CFAP54: variants seen among roughly 807,000 people sequenced by gnomAD.
The protein encoded by CFAP54 is cilia- and flagella-associated protein 54.
CFAP54 carries 290 observed loss-of-function variants against 370.4 expected under a neutral mutation model. The ratio of observed to expected loss-of-function variants is 0.78; its 90% CI spans 0.71 to 0.86. The LOEUF (loss-of-function observed/expected upper bound fraction) is 0.86. Ranked by LOEUF, CFAP54 falls within the 40% of genes least tolerant of loss-of-function variation. The probability of loss-of-function intolerance (pLI) is 0.00; values close to 1 mark genes in which losing one functional copy is unlikely to be tolerated. For synonymous variants in CFAP54, 1,206 were observed against 1,236.5 expected, an observed-to-expected ratio of 0.98 and a Z score of 0.52; for missense variants, 3,399 against 3,528.7, an observed-to-expected ratio of 0.96 and a Z score of 0.93.
intron 63 of CFAP54, among the ~76,000 whole-genome samples, chr12:96,803,669 G>A (rs554668946): frequency 1.3e-5 from 2 of 152,014 alleles, no homozygotes; most frequent in African/African-American, 4.8e-5. Flanking sequence ...TTGAACTATC[G>A]CAGTCACCCA....
chr12:96,518,945 G>A lies in CFAP54; in HGVS notation c.816G>A (p.Leu272=). Residue 272 remains leucine, a synonymous_variant, in exon 6 of 68, where the codon CTG becomes CTA. Transcript: ENST00000524981. The part of the protein sequence containing the change: ...GQSSKALEYL[L]WASMCMESLV... ...TTTTGCAGGCCTTAGAGTATCTCCT[G>A]TGGGCCAGCATGTGTATGGAGTCCT... 1.3e-6 allele frequency: 2 copies of A among 1,535,478 alleles called. No individual in the cohort carries two copies. The highest frequency in any genetic ancestry group is 1.7e-6 in the Non-Finnish European group (2 of 1,146,514).
At chr12:96,724,994 G>A (rs1957811831) in intron 50 of CFAP54, among the ~76,000 whole-genome samples, 1 of 152,072 alleles carries the variant, frequency 6.6e-6, no homozygotes, top group African/African-American at 2.4e-5. Context: ...TTAGATATGT[G>A]GCGTTATTTC....
At chr12:96,799,287 T>C (rs902541926) in intron 63 of CFAP54, among the ~76,000 whole-genome samples, 8 of 152,244 alleles carry the variant, frequency 5.3e-5, no homozygotes, top group African/African-American at 1.7e-4. Flanking sequence ...ATTCCTTTGA[T>C]TGCTGCTTTG....
intron 5 of CFAP54, among the ~76,000 whole-genome samples, chr12:96,514,351 T>C (rs150944684): frequency 6.6e-6 from 1 of 152,308 alleles, no homozygotes; most frequent in Non-Finnish European, 1.5e-5. Context: ...CTCTCTCTGT[T>C]TTGCTTCTCA....
intron 39 of CFAP54, among the ~76,000 whole-genome samples, chr12:96,670,500 A>G (rs1345576489): frequency 6.6e-6 from 1 of 152,224 alleles, no homozygotes; most frequent in Non-Finnish European, 1.5e-5. Flanking sequence ...CATTGACCAC[A>G]GTCACATGGC....
Position 96,784,848 on chromosome 12 carries a change from T to C in CFAP54, c.8413T>C (p.Tyr2805His). The change falls in exon 61 of 68, where the codon TAT becomes CAT. Residue 2805 changes from tyrosine to histidine, a missense_variant. Around this residue, in one of 3 missense-constraint regions of CFAP54, gnomAD observed 2,796 missense variants for 2,869.7 expected, o/e 0.97. Transcript: ENST00000524981. Reference protein sequence around the residue: ...DITWILLLRYYIHLQRINNLS... With the variant: ...DITWILLLRYHIHLQRINNLS... ...TACATGGATCCTTCTACTGCGCTAC[T>C]ATATTCACCTTCAGAGGATTAATAA... 6.5e-7 allele frequency: 1 copy of C among 1,531,642 alleles called. No homozygotes were observed. The highest frequency in any genetic ancestry group is 8.7e-7 in the Non-Finnish European group (1 of 1,144,652). 94.9% of individuals were successfully genotyped at this position (1,531,642 alleles called of 1,614,324 possible).
At chr12:96,720,380 G>C (rs373818344) in intron 49 of CFAP54, 25 bp from the exon 50 acceptor site, 7 of 1,386,774 alleles carry the variant, frequency 5.0e-6, no homozygotes, top group Non-Finnish European at 6.6e-6. Flanking sequence ...CTGAACTCAC[G>C]TGATGTATGG....
intron 46 of CFAP54, among the ~76,000 whole-genome samples, chr12:96,701,073 T>A (rs1461049932): frequency 6.6e-6 from 1 of 152,184 alleles, no homozygotes; most frequent in East Asian, 1.9e-4. Context: ...TAATAGGGGA[T>A]GAGGCTATCC....
intron 22 of CFAP54, among the ~76,000 whole-genome samples, chr12:96,586,292 CT>C (rs766580869): frequency 2.0e-5 from 3 of 152,076 alleles, no homozygotes; most frequent in Non-Finnish European, 4.4e-5. Context: ...ACTTTGAGAA[CT>C]GCTGTTCTAA....
intron 17 of CFAP54, among the ~76,000 whole-genome samples, chr12:96,562,696 G>A (rs890322950): frequency 6.6e-6 from 1 of 151,976 alleles, no homozygotes; most frequent in Non-Finnish European, 1.5e-5. Context: ...TTCCCAAAGT[G>A]CTGGGATTAC....
In CFAP54 at chr12:96,738,308, C is replaced by T. The variant is rs185070658; in HGVS notation, c.6966-1648C>T. Reference sequence around the variant, plus strand: ...AGTGAAGGGGTCTGCTTTTAACTTGCTGTTACTGGTTTCCTAAGACTGTTG... The same window carrying T: ...AGTGAAGGGGTCTGCTTTTAACTTGTTGTTACTGGTTTCCTAAGACTGTTG... On this transcript the variant is annotated intron_variant, in intron 50 of 67. Transcript: ENST00000524981. 5.3e-4 allele frequency among the ~76,000 whole-genome samples: 80 copies of T among 152,234 alleles called. 1 individual carries two copies. The highest frequency in any genetic ancestry group is 2.0e-3 in the Admixed American group (31 of 15,294).
rs1289188176 is a variant in CFAP54 at position 96,626,845 on chromosome 12, G to T, written c.4009G>T (p.Glu1337Ter). The T allele has an allele frequency of 1.4e-6, 2 of 1,406,114 alleles. No individual in the cohort carries two copies. The highest frequency in any genetic ancestry group is 1.6e-5 in the South Asian group (1 of 64,216). 87.1% of individuals were successfully genotyped at this position (1,406,114 alleles called of 1,614,324 possible). The change falls in exon 30 of 68, where the codon GAA (glutamate) becomes TAA (stop). Residue 1337 changes from glutamate (E) to a stop codon, truncating the protein, a stop_gained. Transcript: ENST00000524981. LOFTEE classifies it high-confidence loss of function. ...MKFKQKPRFLEFFTQVMLKCM... is the reference protein window; with the variant it reads ...MKFKQKPRFL The stretch of plus-strand genomic sequence containing the variant: ...ATTTAAGCAAAAACCAAGATTTCTG[G>T]AATTCTTTACACAAGTTATGCTAAA...
At chr12:96,733,914 G>A (rs1565958626) in intron 50 of CFAP54, among the ~76,000 whole-genome samples, 2 of 152,090 alleles carry the variant, frequency 1.3e-5, no homozygotes, top group Admixed American at 6.6e-5. Context: ...CTTTTTCCAG[G>A]GTTTTCTATC....
chr12:96,676,594 G>A (rs990159515), intron 39 of CFAP54, among the ~76,000 whole-genome samples: 1 of 152,140 alleles, frequency 6.6e-6, no homozygotes, highest in Non-Finnish European at 1.5e-5. Flanking sequence ...CGCTCAGGCT[G>A]GAGTGCAGCG....
intron 17 of CFAP54, among the ~76,000 whole-genome samples, chr12:96,558,804 G>A (rs573658154): frequency 6.6e-6 from 1 of 152,240 alleles, no homozygotes; most frequent in African/African-American, 2.4e-5. Flanking sequence ...AAAATCTCCA[G>A]GACATTGGTC....
At chr12:96,688,088 A>G (rs1957346735) in intron 42 of CFAP54, among the ~76,000 whole-genome samples, 1 of 152,334 alleles carries the variant, frequency 6.6e-6, no homozygotes, top group South Asian at 2.1e-4. Context: ...ACTGAGGTAG[A>G]CTACATTAAC....
chr12:96,682,641 G>C (rs969848235), intron 40 of CFAP54, among the ~76,000 whole-genome samples: 3 of 152,098 alleles, frequency 2.0e-5, no homozygotes, highest in African/African-American at 4.8e-5. Context: ...CTCCCAAAAC[G>C]CTGGTACAGG....
At chr12:96,656,076 T>G (rs1276285514) in intron 36 of CFAP54, among the ~76,000 whole-genome samples, 1 of 152,184 alleles carries the variant, frequency 6.6e-6, no homozygotes, top group Non-Finnish European at 1.5e-5. Flanking sequence ...TATATTATTT[T>G]CCCTACTTTT....
At chr12:96,528,312 C>T (rs577056957) in intron 9 of CFAP54, among the ~76,000 whole-genome samples, 45 of 151,976 alleles carry the variant, frequency 3.0e-4, no homozygotes, top group African/African-American at 1.0e-3. Context: ...TTTACTGAGT[C>T]GATCAAATGG....
Sources: gnomAD v4.1 joint callset for allele counts (sites outside exome capture counted in the v4.1 genomes callset) on GRCh38, gnomAD v4.1.1 for gene constraint, gnomAD v4.1.1 regional missense constraint, MANE v1.5 for transcripts, NCBI Gene and HGNC (gene_info 2026-07-23, HGNC 2026-07-21) for gene names.